The following GPR83 variants were observed in gnomAD, a reference collection of about 807,000 sequenced individuals.
GPR83 encodes G-protein coupled receptor 72.
GPR83 carries 23 observed loss-of-function variants against 28.0 expected under a neutral mutation model. The observed-to-expected ratio is 0.82, with a 90% CI of 0.59 to 1.16. The LOEUF (loss-of-function observed/expected upper bound fraction) is 1.16. Ranked by LOEUF, GPR83 falls within the 50% of genes most tolerant of loss-of-function variation. The pLI, the probability that GPR83 is intolerant of heterozygous loss-of-function variation, is 0.00. For missense variants in GPR83, 610 were observed against 536.6 expected (o/e 1.14, Z -1.35); for synonymous variants, 234 against 215.4 (o/e 1.09, Z -0.76).
intron 2 of GPR83, among the ~76,000 whole-genome samples, chr11:94,394,763 G>C (rs1944850380): frequency 6.6e-6 from 1 of 152,162 alleles, no homozygotes; most frequent in Non-Finnish European, 1.5e-5. Context: ...TTGCTGAAGG[G>C]AGTGGCAGCC....
At chr11:94,393,748 C>A (rs1944841114) in intron 2 of GPR83, 130 bp from the exon 3 acceptor site, 4 of 758,676 alleles carry the variant, frequency 5.3e-6, no homozygotes, top group Non-Finnish European at 8.8e-6. Flanking sequence ...ATCACTTGAG[C>A]CCAGGAGTTC....
At chr11:94,398,487 G>A (rs137943535) in intron 1 of GPR83, among the ~76,000 whole-genome samples, 81 of 152,162 alleles carry the variant, frequency 5.3e-4, no homozygotes, top group African/African-American at 1.0e-3. Flanking sequence ...ATCTCAACCC[G>A]GGAAATTTCT....
At chr11:94,393,254 C>T (rs1430560212) in intron 3 of GPR83, among the ~76,000 whole-genome samples, 1 of 151,944 alleles carries the variant, frequency 6.6e-6, no homozygotes, top group African/African-American at 2.4e-5. Flanking sequence ...TGCAGAGAAC[C>T]CGGAAAGAGA....
At chr11:94,385,249 A>G (rs539164319) in intron 3 of GPR83, among the ~76,000 whole-genome samples, 2 of 152,334 alleles carry the variant, frequency 1.3e-5, no homozygotes, top group Admixed American at 6.5e-5. Flanking sequence ...AGATGGGGAA[A>G]AAACAGAGGA....
intron 3 of GPR83, among the ~76,000 whole-genome samples, chr11:94,389,287 C>G (rs1403712158): frequency 1.3e-5 from 2 of 152,192 alleles, no homozygotes; most frequent in African/African-American, 4.8e-5. Flanking sequence ...GTCTAAAACA[C>G]CAAAAGCAAC....
chr11:94,396,470 G>A lies in GPR83; in HGVS notation c.442C>T (p.Arg148Cys), dbSNP rs763486508. The change falls in exon 2 of 4, where the codon CGC becomes TGC. Residue 148 changes from arginine (R) to cysteine (C), a missense_variant. Physicochemically the swap from Arg to Cys is radical, Grantham distance 180 (BLOSUM62 -3). Coordinates refer to ENST00000243673, the MANE Select transcript of GPR83 (RefSeq NM_016540.4). ...IFGKGMCHVSRFAQYCSLHVS... is the reference protein window; with the variant it reads ...IFGKGMCHVSCFAQYCSLHVS... ...TGCAGTGAGCAGTACTGGGCAAAGC[G>A]GCTGACATGGCACATGCCCTTCCCA... 1.1e-5 allele frequency: 18 copies of A among 1,613,956 alleles called. No individual in the cohort carries two copies. The highest frequency in any genetic ancestry group is 9.3e-5 in the African/African-American group (7 of 74,920).
intron 3 of GPR83, among the ~76,000 whole-genome samples, chr11:94,389,277 G>A (rs929950409): frequency 2.6e-5 from 4 of 152,174 alleles, no homozygotes; most frequent in African/African-American, 9.7e-5. Context: ...AGGACTTCAT[G>A]TCTAAAACAC....
At chr11:94,395,784 T>C (rs1177288999) in intron 2 of GPR83, among the ~76,000 whole-genome samples, 1 of 152,224 alleles carries the variant, frequency 6.6e-6, no homozygotes, top group East Asian at 1.9e-4. Context: ...TCCTGGCTTG[T>C]TTTCCGTCTG....
At position 94,380,029 on chromosome 11, in the gene GPR83, A is replaced by G. The variant is rs973020518; in HGVS notation, c.*120T>C. 2.6e-6 allele frequency: 2 copies of G among 754,828 alleles called. No homozygotes were observed. Among genetic ancestry groups the G allele is most frequent in the Non-Finnish European group, 4.0e-6 (2 of 500,300 alleles). 46.8% of individuals were successfully genotyped at this position (754,828 alleles called of 1,614,324 possible). On this transcript the variant is annotated 3_prime_UTR_variant, in exon 4 of 4. Transcript: ENST00000243673. ...CTGGACAGTTTCCTAGGAATTCAAGAGTCCTACAGCTTCTGCAGGAGTGTG... is the reference window on the plus strand; with the variant it reads ...CTGGACAGTTTCCTAGGAATTCAAGGGTCCTACAGCTTCTGCAGGAGTGTG...
Position 94,378,063 on chromosome 11 carries a change from C to G in GPR83, c.*2086G>C, listed in dbSNP as rs757307202. 6.6e-6 allele frequency: 1 copy of G among 152,142 alleles called. No individual in the cohort carries two copies. Among genetic ancestry groups the G allele is most frequent in the Admixed American group, 6.5e-5 (1 of 15,278 alleles). 9.4% of individuals were successfully genotyped at this position (152,142 alleles called of 1,614,324 possible). On this transcript the variant is annotated 3_prime_UTR_variant, in exon 4 of 4. Transcript: ENST00000243673. Reference sequence around the variant, plus strand: ...TGACACACCACAGAGACAATAAGTACAGGCACATGAGCCATTTGTCCTGAA... The same window carrying G: ...TGACACACCACAGAGACAATAAGTAGAGGCACATGAGCCATTTGTCCTGAA...
intron 3 of GPR83, among the ~76,000 whole-genome samples, chr11:94,381,014 G>A (rs1172724195): frequency 6.6e-6 from 1 of 152,118 alleles, no homozygotes; most frequent in South Asian, 2.1e-4. Flanking sequence ...TTAATCTTGT[G>A]CAATTCCTAG....
In GPR83 at chr11:94,400,193, G is replaced by T. The variant is rs192002475; in HGVS notation, c.387+668C>A. ...ACAGGCTGCAATTCAGAGGGAGGGG[G>T]ACCTGATCATCTCTGCTGACATTTC... On this transcript the variant is annotated intron_variant, in intron 1 of 3. Coordinates refer to ENST00000243673, the MANE Select transcript of GPR83 (RefSeq NM_016540.4). Among the ~76,000 whole-genome samples, 35 of 152,290 alleles carry T rather than the reference G, an allele frequency of 2.3e-4. No homozygotes were observed. In the East Asian group the frequency reaches 6.6e-3, roughly 29 times the overall value.
chr11:94,393,459 G>C (rs748734420), intron 3 of GPR83, 26 bp downstream of exon 3: 3 of 1,612,284 alleles, frequency 1.9e-6, no homozygotes, highest in Non-Finnish European at 2.5e-6. Context: ...CAAGTCCCCA[G>C]GCAGATCCCA....
In GPR83 at chr11:94,380,635, C is replaced by T. The variant is rs1447770064; in HGVS notation, c.786G>A (p.Val262=). ...LLIISVAYAR[V]AKKLWLCNMI... ...TATTACACAGCCACAGTTTCTTGGC[C>T]ACACGAGCGTAGGCCACAGAGATGA... The change falls in exon 4 of 4, where the codon GTG becomes GTA. Residue 262 remains valine, a synonymous_variant. Coordinates refer to ENST00000243673, the MANE Select transcript of GPR83 (RefSeq NM_016540.4). 3.7e-6 allele frequency: 6 copies of T among 1,614,044 alleles called. No individual in the cohort carries two copies. The highest frequency in any genetic ancestry group is 4.2e-6 in the Non-Finnish European group (5 of 1,180,004).
At position 94,379,423 on chromosome 11, in the gene GPR83, A is replaced by C. The variant is rs1944660230; in HGVS notation, c.*726T>G. 6.6e-6 allele frequency: 1 copy of C among 151,810 alleles called. No individual in the cohort carries two copies. The highest frequency in any genetic ancestry group is 1.5e-5 in the Non-Finnish European group (1 of 67,936). The allele number at this position is 151,810 out of a possible 1,614,324, so 9.4% of individuals were successfully genotyped here. ...AGGTCATGCACACATGCACACAATCACACACACGAAGGAAAATGTTGCAAA... is the reference window on the plus strand; with the variant it reads ...AGGTCATGCACACATGCACACAATCCCACACACGAAGGAAAATGTTGCAAA... On this transcript the variant is annotated 3_prime_UTR_variant, in exon 4 of 4. Coordinates refer to ENST00000243673, the MANE Select transcript of GPR83 (RefSeq NM_016540.4).
At chr11:94,394,636 T>A (rs554978035) in intron 2 of GPR83, among the ~76,000 whole-genome samples, 3 of 152,266 alleles carry the variant, frequency 2.0e-5, no homozygotes, top group East Asian at 1.9e-4. Context: ...AGCTTTTTTT[T>A]AATTCCTCCC....
chr11:94,389,792 C>A (rs1232618031), intron 3 of GPR83, among the ~76,000 whole-genome samples: 1 of 152,150 alleles, frequency 6.6e-6, no homozygotes, highest in Non-Finnish European at 1.5e-5. Flanking sequence ...ACTAGAAATA[C>A]CATTTGACCC....
At chr11:94,386,296 A>T (rs144437353) in intron 3 of GPR83, among the ~76,000 whole-genome samples, 1 of 152,196 alleles carries the variant, frequency 6.6e-6, no homozygotes, top group East Asian at 1.9e-4. Context: ...CCAACTAATG[A>T]GCAAAATAGC....
chr11:94,396,608 T>A, intron 1 of GPR83, 84 bp from the exon 2 acceptor site: 1 of 1,364,440 alleles, frequency 7.3e-7, no homozygotes, highest in South Asian at 1.3e-5. Context: ...GAGCATGCCC[T>A]TAGGGGGATT....
Sources: allele counts gnomAD v4.1 joint callset (sites outside exome capture counted in the v4.1 genomes callset), GRCh38; gene constraint gnomAD v4.1.1; transcripts MANE v1.5; gene names NCBI Gene and HGNC (gene_info 2026-07-23, HGNC 2026-07-21).